PTPRO: variants seen among roughly 807,000 people sequenced by gnomAD.
The protein encoded by PTPRO is receptor-type tyrosine-protein phosphatase O.
Under a neutral mutation model 145.2 loss-of-function variants are expected in PTPRO, and 62 were observed. That is an observed-to-expected ratio of 0.43 (90% CI 0.35 to 0.53). PTPRO has a LOEUF of 0.53. Among genes scored for constraint, PTPRO ranks in the 20% least tolerant of loss-of-function variants. The pLI is 0.01. For synonymous variants in PTPRO, 565 were observed against 514.7 expected, an observed-to-expected ratio of 1.10 and a Z score of -1.32; for missense variants, 1,345 against 1,482.7, an observed-to-expected ratio of 0.91 and a Z score of 1.53.
chr12:15,518,902 T>G (rs1942654025), intron 9 of PTPRO, among the ~76,000 whole-genome samples: 1 of 152,178 alleles, frequency 6.6e-6, no homozygotes, highest in Admixed American at 6.5e-5. Flanking sequence ...CACATTTTAC[T>G]GTCTTCTGAG....
chr12:15,453,229 G>A (rs1941091699), intron 1 of PTPRO, among the ~76,000 whole-genome samples: 1 of 152,014 alleles, frequency 6.6e-6, no homozygotes, highest in East Asian at 1.9e-4. Flanking sequence ...GACCTCAGGT[G>A]ATCCACTATC....
chr12:15,338,524 G>A (rs944679785), intron 1 of PTPRO, among the ~76,000 whole-genome samples: 1 of 152,012 alleles, frequency 6.6e-6, no homozygotes, highest in African/African-American at 2.4e-5. Flanking sequence ...ATTCTTACCA[G>A]GTTTATCTAG....
rs191365560 is a variant in PTPRO at position 15,491,296 on chromosome 12, T to G, written c.350-5949T>G. On this transcript the variant is annotated intron_variant, in intron 2 of 26. Transcript: ENST00000281171. ...CTGAACATGAACACAATTGCTTCTTTAGTTTGTATTCTTTAGTCCAGCTAA... is the reference window on the plus strand; with the variant it reads ...CTGAACATGAACACAATTGCTTCTTGAGTTTGTATTCTTTAGTCCAGCTAA... Among the ~76,000 whole-genome samples, 408 of 152,348 alleles carry G rather than the reference T, an allele frequency of 2.7e-3. 3 individuals carry two copies. Among genetic ancestry groups the G allele is most frequent in the African/African-American group, 9.5e-3 (397 of 41,578 alleles).
chr12:15,472,250 G>A (rs1941558799), intron 1 of PTPRO, among the ~76,000 whole-genome samples: 1 of 152,060 alleles, frequency 6.6e-6, no homozygotes, highest in African/African-American at 2.4e-5. Context: ...TTACCTGCCT[G>A]AACTATTGCA....
In PTPRO at chr12:15,325,192, C is replaced by T. The variant is rs116970923; in HGVS notation, c.75+2391C>T. 5.4e-4 allele frequency among the ~76,000 whole-genome samples: 82 copies of T among 152,172 alleles called. No homozygotes were observed. In the East Asian group the frequency reaches 0.011, roughly 21 times the overall value. On this transcript the variant is annotated intron_variant, in intron 1 of 26. Transcript: ENST00000281171. Reference sequence around the variant, plus strand: ...TATCCTTTATATAAGAGTGAAAATTCTGAAGGAAAATAAGACAGAGAAATT... The same window carrying T: ...TATCCTTTATATAAGAGTGAAAATTTTGAAGGAAAATAAGACAGAGAAATT...
intron 12 of PTPRO, among the ~76,000 whole-genome samples, chr12:15,537,746 G>A (rs1262921454): frequency 6.6e-6 from 1 of 152,194 alleles, no homozygotes; most frequent in East Asian, 1.9e-4. Flanking sequence ...ACAAAACAGA[G>A]AAAACTGTTG....
chr12:15,358,086 G>A (rs1938054307), intron 1 of PTPRO, among the ~76,000 whole-genome samples: 1 of 151,510 alleles, frequency 6.6e-6, no homozygotes. Context: ...TTCCTTTGTA[G>A]GGACATGGAT....
chr12:15,351,158 C>T (rs1937791990), intron 1 of PTPRO, among the ~76,000 whole-genome samples: 1 of 152,028 alleles, frequency 6.6e-6, no homozygotes, highest in African/African-American at 2.4e-5. Flanking sequence ...CTGCCGTTCC[C>T]AGGATGCCGA....
intron 1 of PTPRO, chr12:15,440,444 A>G (rs2136357769): frequency 4.3e-6 from 1 of 232,222 alleles, no homozygotes; most frequent in Non-Finnish European, 8.3e-6. Context: ...TAAGCCTGAA[A>G]AAAAAATACA....
chr12:15,415,665 G>A (rs975702725), intron 1 of PTPRO, among the ~76,000 whole-genome samples: 13 of 151,826 alleles, frequency 8.6e-5, no homozygotes, highest in Middle Eastern at 3.4e-3. Flanking sequence ...GATTACAGGC[G>A]TGAGCCACTG....
At chr12:15,577,438 CA>C (rs1455616930) in intron 19 of PTPRO, among the ~76,000 whole-genome samples, 1 of 152,166 alleles carries the variant, frequency 6.6e-6, no homozygotes, top group Admixed American at 6.5e-5. Flanking sequence ...AATAAAGACA[CA>C]AAGGGCATGA....
chr12:15,533,991 C>A (rs1943018214), intron 12 of PTPRO, among the ~76,000 whole-genome samples: 1 of 152,096 alleles, frequency 6.6e-6, no homozygotes, highest in Non-Finnish European at 1.5e-5. Context: ...GTGTCATGTG[C>A]AAGGGTAGAG....
chr12:15,445,860 A>C (rs961670785), intron 1 of PTPRO, among the ~76,000 whole-genome samples: 8 of 152,150 alleles, frequency 5.3e-5, no homozygotes, highest in African/African-American at 1.9e-4. Context: ...TGTCTGGAAC[A>C]AAACTCAGCC....
chr12:15,566,756 T>C (rs1943909836), intron 18 of PTPRO, among the ~76,000 whole-genome samples: 1 of 151,976 alleles, frequency 6.6e-6, no homozygotes, highest in African/African-American at 2.4e-5. Context: ...CCTGACCTCA[T>C]GTGATCCACC....
chr12:15,572,002 A>G (rs1375968740), intron 19 of PTPRO, among the ~76,000 whole-genome samples: 4 of 152,250 alleles, frequency 2.6e-5, no homozygotes, highest in African/African-American at 9.6e-5. Flanking sequence ...ATAAATGAAT[A>G]CATTTAGCCT....
intron 1 of PTPRO, among the ~76,000 whole-genome samples, chr12:15,357,199 C>T (rs1329289539): frequency 6.6e-6 from 1 of 152,188 alleles, no homozygotes; most frequent in African/African-American, 2.4e-5. Flanking sequence ...GAAATTATGC[C>T]TCTCCATCTC....
At chr12:15,583,528 T>G (rs1173591640) in intron 23 of PTPRO, among the ~76,000 whole-genome samples, 1 of 152,042 alleles carries the variant, frequency 6.6e-6, no homozygotes, top group Non-Finnish European at 1.5e-5. Flanking sequence ...AATAGTATTT[T>G]ATGTGAAATG....
At chr12:15,498,685 T>C (rs560947771) in intron 3 of PTPRO, among the ~76,000 whole-genome samples, 3 of 152,316 alleles carry the variant, frequency 2.0e-5, no homozygotes, top group Non-Finnish European at 4.4e-5. Context: ...AAACATAATC[T>C]GCAAATTAAT....
intron 24 of PTPRO, among the ~76,000 whole-genome samples, chr12:15,589,158 C>A (rs568830243): frequency 3.9e-5 from 6 of 152,252 alleles, no homozygotes; most frequent in Admixed American, 3.9e-4. Context: ...GGAAGATCAC[C>A]TGAGGTCAGA....
Sources: allele counts gnomAD v4.1 joint callset (sites outside exome capture counted in the v4.1 genomes callset), GRCh38; gene constraint gnomAD v4.1.1; transcripts MANE v1.5; gene names NCBI Gene and HGNC (gene_info 2026-07-23, HGNC 2026-07-21).